SLC30A7: variants seen among roughly 807,000 people sequenced by gnomAD.
SLC30A7 encodes zinc transporter 7.
In SLC30A7, 35 loss-of-function variants were observed where a neutral mutation model predicts 46.0. The observed-to-expected ratio is 0.76, with a 90% CI of 0.58 to 1.01. The LOEUF (loss-of-function observed/expected upper bound fraction) is 1.01. Among genes scored for constraint, SLC30A7 ranks in the 50% least tolerant of loss-of-function variants. The pLI, the probability that SLC30A7 is intolerant of heterozygous loss-of-function variation, is 0.00. For missense variants in SLC30A7, 464 were observed against 451.1 expected (o/e 1.03, Z -0.26); for synonymous variants, 147 against 157.8 (o/e 0.93, Z 0.51).
the SLC30A7 span, among the ~76,000 whole-genome samples, chr1:100,992,040 A>G: frequency 6.6e-6 from 1 of 151,810 alleles, no homozygotes; most frequent in African/African-American, 2.4e-5. Flanking sequence ...GGAGGCTGCA[A>G]TGAGCTGAGA....
chr1:100,967,449 A>G (rs954626695), intron 10 of SLC30A7, among the ~76,000 whole-genome samples: 1 of 152,058 alleles, frequency 6.6e-6, no homozygotes, highest in African/African-American at 2.4e-5. Context: ...CCTTGTTCCT[A>G]ACAGACCATG....
intron 10 of SLC30A7, among the ~76,000 whole-genome samples, chr1:100,969,347 T>A (rs17408672): frequency 0.028 from 4,202 of 152,232 alleles, 86 homozygotes; most frequent in Non-Finnish European, 0.041. Context: ...TTACCTTGAA[T>A]TTTCTCCTAG....
At chr1:100,922,285 A>T (rs1652988776) in intron 8 of SLC30A7, among the ~76,000 whole-genome samples, 1 of 151,690 alleles carries the variant, frequency 6.6e-6, no homozygotes, top group African/African-American at 2.4e-5. Flanking sequence ...TTTCATTTTT[A>T]TATGTTTTCT....
At chr1:100,896,697 G>A in intron 2 of SLC30A7, 26 bp downstream of exon 2, 1 of 1,598,202 alleles carries the variant, frequency 6.3e-7, no homozygotes, top group Non-Finnish European at 8.6e-7. Context: ...AATGGTTTGG[G>A]CGGAAGCTGG....
At chr1:100,915,281 G>T (rs546632997) in intron 6 of SLC30A7, among the ~76,000 whole-genome samples, 32 of 46,704 alleles carry the variant, frequency 6.9e-4, no homozygotes, top group African/African-American at 2.4e-3. Context: ...TTCTACTTTT[G>T]CAGTAAGAGC....
chr1:100,920,049 A>T (rs1170095017), intron 7 of SLC30A7, among the ~76,000 whole-genome samples: 1 of 152,106 alleles, frequency 6.6e-6, no homozygotes, highest in Non-Finnish European at 1.5e-5. Context: ...AGAAGGCTTT[A>T]GGTAGTTTTA....
At chr1:100,902,946 T>C (rs771096622) in intron 2 of SLC30A7, among the ~76,000 whole-genome samples, 3 of 152,144 alleles carry the variant, frequency 2.0e-5, no homozygotes, top group Middle Eastern at 3.2e-3. Context: ...AATAGTGAAA[T>C]AGATAGTAAA....
chr1:100,961,990 T>G, intron 9 of SLC30A7, 72 bp downstream of exon 9: 1 of 894,432 alleles, frequency 1.1e-6, no homozygotes, highest in Non-Finnish European at 1.8e-6. Context: ...CTTTCACAAA[T>G]ATGGGTAACA....
chr1:100,986,053 A>AG (rs1657247016), downstream of SLC30A7, among the ~76,000 whole-genome samples: 14 of 152,244 alleles, frequency 9.2e-5, no homozygotes, highest in Admixed American at 5.9e-4. Context: ...AATGGTGAAT[A>AG]AGCACATGAA....
Position 100,976,340 on chromosome 1 carries a change from T to A in SLC30A7, c.*1483T>A, listed in dbSNP as rs1656504400. ...GCACAAATACAATTGCTTTCAGGAA[T>A]CCTAAAGCAGCATTTTATTGAGTTT... On this transcript the variant is annotated 3_prime_UTR_variant, in exon 11 of 11. Transcript: ENST00000357650. The A allele has an allele frequency of 6.6e-6, 1 of 152,216 alleles. No individual in the cohort carries two copies. 9.4% of individuals were successfully genotyped at this position (152,216 alleles called of 1,614,324 possible). A position where few individuals can be genotyped will look rare whatever the true frequency, so the allele number is the denominator to read the frequency against.
chr1:100,951,038 G>A (rs1654924487), intron 8 of SLC30A7, among the ~76,000 whole-genome samples: 1 of 152,174 alleles, frequency 6.6e-6, no homozygotes, highest in African/African-American at 2.4e-5. Context: ...CCCACTGGAG[G>A]GGAAGAAGGG....
chr1:100,930,233 A>G (rs1317512696), intron 8 of SLC30A7, among the ~76,000 whole-genome samples: 2 of 152,098 alleles, frequency 1.3e-5, no homozygotes, highest in Non-Finnish European at 2.9e-5. Flanking sequence ...ATATATATAC[A>G]TACCACAAAA....
chr1:100,923,729 T>C (rs1317006916), intron 8 of SLC30A7, among the ~76,000 whole-genome samples: 1 of 152,180 alleles, frequency 6.6e-6, no homozygotes, highest in African/African-American at 2.4e-5. Context: ...CAGATAGCTA[T>C]GATGGTGCCA....
Position 100,958,465 on chromosome 1 carries a change from C to T in SLC30A7, c.843-3363C>T, listed in dbSNP as rs369886757. 1.4e-4 allele frequency among the ~76,000 whole-genome samples: 21 copies of T among 152,312 alleles called. No individual in the cohort carries two copies. In the East Asian group the frequency reaches 1.7e-3, roughly 13 times the overall value. ...TGCTGGGATTACAGGCGTGAGCCAC[C>T]GCACCCGGCCAGTATTTGCATTGTT... On this transcript the variant is annotated intron_variant, in intron 8 of 10. Coordinates refer to ENST00000357650, the MANE Select transcript of SLC30A7 (RefSeq NM_133496.5).
At chr1:100,937,025 GTATCTA>G (rs565368567) in intron 8 of SLC30A7, among the ~76,000 whole-genome samples, 6 of 152,164 alleles carry the variant, frequency 3.9e-5, no homozygotes, top group Admixed American at 2.6e-4. Flanking sequence ...TAGATTATCT[GTATCTA>G]TATCTATATC....
chr1:100,916,027 T>A (rs879222592), intron 6 of SLC30A7, among the ~76,000 whole-genome samples: 3 of 152,194 alleles, frequency 2.0e-5, no homozygotes, highest in Non-Finnish European at 4.4e-5. Context: ...TGATTAGTGA[T>A]GTTGAGCATC....
intron 8 of SLC30A7, among the ~76,000 whole-genome samples, chr1:100,954,095 T>G (rs746220603): frequency 1.3e-5 from 2 of 152,210 alleles, no homozygotes; most frequent in Non-Finnish European, 2.9e-5. Flanking sequence ...TCTAAGTATA[T>G]AATACATTCT....
At chr1:100,923,630 T>C (rs1163928371) in intron 8 of SLC30A7, among the ~76,000 whole-genome samples, 2 of 152,026 alleles carry the variant, frequency 1.3e-5, no homozygotes, top group East Asian at 3.9e-4. Flanking sequence ...ATTTAAAAAT[T>C]AGCTGGGCAT....
At chr1:100,943,053 C>T (rs1211109836) in intron 8 of SLC30A7, among the ~76,000 whole-genome samples, 1 of 152,146 alleles carries the variant, frequency 6.6e-6, no homozygotes, top group Non-Finnish European at 1.5e-5. Context: ...TTTTGAATTA[C>T]TTATTTTCAC....
Sources: allele counts gnomAD v4.1 joint callset (sites outside exome capture counted in the v4.1 genomes callset), GRCh38; gene constraint gnomAD v4.1.1; transcripts MANE v1.5; gene names NCBI Gene and HGNC (gene_info 2026-07-23, HGNC 2026-07-21).